The following ZFP41 variants were observed in gnomAD, a reference collection of about 807,000 sequenced individuals.
ZFP41 encodes the protein ZFP41 zinc finger protein.
Under a neutral mutation model 11.6 loss-of-function variants are expected in ZFP41, and 10 were observed. The ratio of observed to expected loss-of-function variants is 0.86; its 90% CI spans 0.53 to 1.47. The LOEUF is 1.47. Ranked by LOEUF, ZFP41 falls within the 40% of genes most tolerant of loss-of-function variation. The pLI, the probability that ZFP41 is intolerant of heterozygous loss-of-function variation, is 0.00. For missense variants in ZFP41, 302 were observed against 264.6 expected (o/e 1.14, Z -0.98); for synonymous variants, 123 against 100.9 (o/e 1.22, Z -1.31).
In ZFP41 at chr8:143,261,852, G is replaced by A. The variant is rs1445583218; in HGVS notation, c.*2978G>A. 70 of 110,720 alleles carry A rather than the reference G, an allele frequency of 6.3e-4. 1 individual carries two copies. The highest frequency in any genetic ancestry group is 7.4e-4 in the Non-Finnish European group (45 of 60,566). The allele number at this position is 110,720 out of a possible 1,614,324, so 6.9% of individuals were successfully genotyped here. ...CGCCTGTCTCCGGCAGCCCCTGCCCGCACCCGCACCCCTGCACCTGCCACG... is the reference window on the plus strand; with the variant it reads ...CGCCTGTCTCCGGCAGCCCCTGCCCACACCCGCACCCCTGCACCTGCCACG... On this transcript the variant is annotated 3_prime_UTR_variant, in exon 3 of 3. Transcript: ENST00000330701.
At chr8:143,256,447 A>AGTGAGAT (rs1814916096) in intron 2 of ZFP41, among the ~76,000 whole-genome samples, 2 of 146,920 alleles carry the variant, frequency 1.4e-5, no homozygotes, top group Non-Finnish European at 1.5e-5. Context: ...GGCTCGCCCC[A>AGTGAGAT]CATGCTGGTG....
intron 2 of ZFP41, among the ~76,000 whole-genome samples, chr8:143,256,836 C>T (rs1814925558): frequency 1.3e-5 from 2 of 152,226 alleles, no homozygotes; most frequent in South Asian, 4.1e-4. Flanking sequence ...TCATTTGGCA[C>T]AGACAGACGA....
At chr8:143,254,067 C>T (rs7387029) in intron 2 of ZFP41, among the ~76,000 whole-genome samples, 62,117 of 152,066 alleles carry the variant, frequency 0.41, 14,323 homozygotes, top group East Asian at 0.69. Context: ...CGGTAACGCT[C>T]ACTCGCCTGC....
chr8:143,247,671 C>A (rs576673869), intron 1 of ZFP41: 1 of 152,382 alleles, frequency 6.6e-6, no homozygotes, highest in East Asian at 1.9e-4. Flanking sequence ...AGAACCAGAA[C>A]CCCAGTCTTT....
rs1310620041 is a variant in ZFP41 at position 143,262,695 on chromosome 8, TTCTGAC to T, written c.*3824_*3829del. ...TGTGTTCTCTGCAGTAAACATTGAT[TTCTGAC>T]TCGAGTGCTGTCTTCATTGAGCTCT... is the stretch of plus-strand genomic sequence containing the variant. On this transcript the variant is annotated 3_prime_UTR_variant, in exon 3 of 3. Transcript: ENST00000330701. 6.6e-6 allele frequency: 1 copy of T among 152,224 alleles called. No individual in the cohort carries two copies. Among genetic ancestry groups the T allele is most frequent in the East Asian group, 1.9e-4 (1 of 5,204 alleles). 9.4% of individuals were successfully genotyped at this position (152,224 alleles called of 1,614,324 possible).
chr8:143,262,074 A>T lies in ZFP41; in HGVS notation c.*3200A>T, dbSNP rs1815060447. 6.8e-6 allele frequency: 1 copy of T among 146,822 alleles called. No individual in the cohort carries two copies. The highest frequency in any genetic ancestry group is 8.6e-5 in the Admixed American group (1 of 11,614). The allele number at this position is 146,822 out of a possible 1,614,324, so 9.1% of individuals were successfully genotyped here. The stretch of plus-strand genomic sequence containing the variant: ...TCCGGCAGCCCCTGCCCGCGCCCGC[A>T]CCTCTGCACCTCCCACGCCCCTCTC... On this transcript the variant is annotated 3_prime_UTR_variant, in exon 3 of 3. Transcript: ENST00000330701.
At chr8:143,255,307 C>T (rs886122802) in intron 2 of ZFP41, among the ~76,000 whole-genome samples, 1 of 152,252 alleles carries the variant, frequency 6.6e-6, no homozygotes, top group Non-Finnish European at 1.5e-5. Context: ...CTTAACCCCA[C>T]AGGGTTGCCA....
At position 143,250,548 on chromosome 8, in the gene ZFP41, T is replaced by C. The variant is rs1814714660; in HGVS notation, c.*108T>C. Reference sequence around the variant, plus strand: ...GATGGGGGCGCAGGGCCGTGCGCACTGTGTTCCGTGCCCTGGGGACCCCCG... The same window carrying C: ...GATGGGGGCGCAGGGCCGTGCGCACCGTGTTCCGTGCCCTGGGGACCCCCG... On this transcript the variant is annotated 3_prime_UTR_variant, in exon 2 of 3. Coordinates refer to ENST00000330701, the MANE Select transcript of ZFP41 (RefSeq NM_173832.6). 6.6e-7 allele frequency: 1 copy of C among 1,506,496 alleles called. No homozygotes were observed. The highest frequency in any genetic ancestry group is 8.9e-7 in the Non-Finnish European group (1 of 1,126,404). The allele number at this position is 1,506,496 out of a possible 1,614,324, so 93.3% of individuals were successfully genotyped here. A position where few individuals can be genotyped will look rare whatever the true frequency, so the allele number is the denominator to read the frequency against.
At chr8:143,247,638 G>A (rs996528755) in intron 1 of ZFP41, 17 of 152,262 alleles carry the variant, frequency 1.1e-4, no homozygotes, top group African/African-American at 3.9e-4. Flanking sequence ...AGAGGCGACG[G>A]AGCTACGCTG....
At chr8:143,254,546 C>T (rs1435621752) in intron 2 of ZFP41, among the ~76,000 whole-genome samples, 1 of 152,134 alleles carries the variant, frequency 6.6e-6, no homozygotes, top group Admixed American at 6.5e-5. Context: ...GCACGCATTC[C>T]CTGGTGGTGT....
intron 2 of ZFP41, among the ~76,000 whole-genome samples, chr8:143,251,833 G>T (rs968594132): frequency 6.6e-6 from 1 of 152,210 alleles, no homozygotes; most frequent in East Asian, 1.9e-4. Context: ...CTTGGAAAGG[G>T]AGCCTTTCGG....
intron 2 of ZFP41, chr8:143,253,198 C>T (rs185635790): frequency 2.6e-5 from 4 of 152,310 alleles, no homozygotes; most frequent in African/African-American, 4.8e-5. Flanking sequence ...GCAGCAGGGA[C>T]GGGGCGGTCC....
rs1051676191 is a variant in ZFP41, at chr8:143,250,043, C to G, written c.200C>G (p.Ser67Ter). The G allele has an allele frequency of 1.2e-6, 2 of 1,614,170 alleles. No homozygotes were observed. The highest frequency in any genetic ancestry group is 1.6e-4 in the Middle Eastern group (1 of 6,062). ...CACGTCTTTGATGCCTTCGACGCTT[C>G]ATTTAAAGATGACTTTGAGGGGGTT... ...EEHVFDAFDASFKDDFEGVPV... is the reference protein window; with the variant it reads ...EEHVFDAFDA Residue 67 changes from serine (S) to a stop codon, truncating the protein, a stop_gained, in exon 2 of 3, where the codon TCA (serine) becomes TGA (stop). Transcript: ENST00000330701. LOFTEE classifies it high-confidence loss of function.
chr8:143,256,449 A>AGGGCTCGCCCCGCG (rs1814916221), intron 2 of ZFP41, among the ~76,000 whole-genome samples: 2 of 149,028 alleles, frequency 1.3e-5, no homozygotes, highest in Non-Finnish European at 1.5e-5. Flanking sequence ...CTCGCCCCAC[A>AGGGCTCGCCCCGCG]TGCTGGTGTT....
chr8:143,249,972 C>T lies in ZFP41; in HGVS notation c.129C>T (p.Pro43=). 6.2e-7 allele frequency: 1 copy of T among 1,614,062 alleles called. No individual in the cohort carries two copies. Among genetic ancestry groups the T allele is most frequent in the Non-Finnish European group, 8.5e-7 (1 of 1,179,984 alleles). ...AGCCACCTGAGAGGCCCACTGTGCC[C>T]AGGAAGCCCCGCACAGAGCCCTGCC... ...DRKPPERPTV[P]RKPRTEPCLS... is the part of the protein sequence containing the mutation. The change falls in exon 2 of 3, where the codon CCC becomes CCT. Residue 43 remains proline, a synonymous_variant. Coordinates refer to ENST00000330701, the MANE Select transcript of ZFP41 (RefSeq NM_173832.6).
rs1018113526 is a variant in ZFP41 at position 143,251,022 on chromosome 8, A to G, written c.*582A>G. Reference sequence around the variant, plus strand: ...GTCCCTGCCCGGCCTCTGTGCCCCAACTGTGCTTGGTCCTCTGGCTTCTCT... The same window carrying G: ...GTCCCTGCCCGGCCTCTGTGCCCCAGCTGTGCTTGGTCCTCTGGCTTCTCT... On this transcript the variant is annotated 3_prime_UTR_variant, in exon 2 of 3. Transcript: ENST00000330701. 2 of 169,846 alleles carry G rather than the reference A, an allele frequency of 1.2e-5. No individual in the cohort carries two copies. The highest frequency in any genetic ancestry group is 1.2e-4 in the Admixed American group (2 of 16,080). The allele number at this position is 169,846 out of a possible 1,614,324, so 10.5% of individuals were successfully genotyped here. A position where few individuals can be genotyped will look rare whatever the true frequency, so the allele number is the denominator to read the frequency against.
intron 1 of ZFP41, 162 bp downstream of exon 1, chr8:143,247,304 G>A (rs1215345190): frequency 6.6e-6 from 1 of 152,288 alleles, no homozygotes; most frequent in Non-Finnish European, 1.5e-5. Context: ...CTGCACGTGG[G>A]CCGCGGGGCT....
At chr8:143,258,171 A>T (rs983875492) in intron 2 of ZFP41, among the ~76,000 whole-genome samples, 13 of 152,200 alleles carry the variant, frequency 8.5e-5, no homozygotes, top group African/African-American at 3.1e-4. Context: ...AATAAAAATT[A>T]AAAATTAGGT....
intron 1 of ZFP41, among the ~76,000 whole-genome samples, chr8:143,248,759 C>T (rs1586708105): frequency 6.6e-6 from 1 of 152,254 alleles, no homozygotes; most frequent in Non-Finnish European, 1.5e-5. Flanking sequence ...TGGCCTTCAT[C>T]TTCAGTTCTG....
Sources: allele counts gnomAD v4.1 joint callset (sites outside exome capture counted in the v4.1 genomes callset), GRCh38; gene constraint gnomAD v4.1.1; transcripts MANE v1.5; gene names NCBI Gene and HGNC (gene_info 2026-07-23, HGNC 2026-07-21).